WNT2: variants seen among roughly 807,000 people sequenced by gnomAD.
The protein encoded by WNT2 is Wnt family member 2.
WNT2 carries 12 observed loss-of-function variants against 36.9 expected under a neutral mutation model. The ratio of observed to expected loss-of-function variants is 0.33; its 90% CI spans 0.21 to 0.53. WNT2 has a LOEUF of 0.53. Among genes scored for constraint, WNT2 ranks in the 20% least tolerant of loss-of-function variants. WNT2 has a pLI of 0.95. For synonymous variants in WNT2, 163 were observed against 174.6 expected (o/e 0.93, Z 0.52); for missense variants, 379 against 473.1 (o/e 0.80, Z 1.84).
chr7:117,302,894 C>T (rs1038500284), intron 3 of WNT2, among the ~76,000 whole-genome samples: 16 of 152,256 alleles, frequency 1.1e-4, no homozygotes, highest in Admixed American at 1.0e-3. Context: ...AATCTGGCTA[C>T]AGTTTGAGGG....
intron 3 of WNT2, among the ~76,000 whole-genome samples, chr7:117,314,094 T>C (rs1795170772): frequency 6.6e-6 from 1 of 152,226 alleles, no homozygotes; most frequent in Non-Finnish European, 1.5e-5. Flanking sequence ...ATCAAACACA[T>C]TTTTATGTTG....
In WNT2 at chr7:117,277,978, G is replaced by A; in HGVS notation, c.*177C>T. ...ATGGATAGAATAGGGTAGGCTTTAGGTGCAGCGTGTGGCCCCCCCATCCTG... is the reference window on the plus strand; with the variant it reads ...ATGGATAGAATAGGGTAGGCTTTAGATGCAGCGTGTGGCCCCCCCATCCTG... On this transcript the variant is annotated 3_prime_UTR_variant, in exon 5 of 5. Coordinates refer to ENST00000265441, the MANE Select transcript of WNT2 (RefSeq NM_003391.3). 1 of 637,110 alleles carries A rather than the reference G, an allele frequency of 1.6e-6. No homozygotes were observed. The highest frequency in any genetic ancestry group is 2.7e-6 in the Non-Finnish European group (1 of 365,336). 39.5% of individuals were successfully genotyped at this position (637,110 alleles called of 1,614,324 possible).
At chr7:117,305,579 A>G (rs1795000017) in intron 3 of WNT2, among the ~76,000 whole-genome samples, 1 of 152,214 alleles carries the variant, frequency 6.6e-6, no homozygotes, top group African/African-American at 2.4e-5. Flanking sequence ...TTAAGAATGA[A>G]GTAGTAAAAA....
At chr7:117,293,884 G>T (rs932095065) in intron 4 of WNT2, among the ~76,000 whole-genome samples, 2 of 152,056 alleles carry the variant, frequency 1.3e-5, no homozygotes, top group Non-Finnish European at 2.9e-5. Context: ...CTGAGTGAAA[G>T]GCAGCTTTAA....
chr7:117,275,937 A>C lies in WNT2; in HGVS notation c.*2218T>G, dbSNP rs1215657616. Among the ~76,000 whole-genome samples the C allele has an allele frequency of 6.6e-6, 1 of 152,230 alleles. No homozygotes were observed. Among genetic ancestry groups the C allele is most frequent in the Non-Finnish European group, 1.5e-5 (1 of 68,038 alleles). On this transcript the variant is annotated 3_prime_UTR_variant, in exon 5 of 5. Coordinates refer to ENST00000265441, the MANE Select transcript of WNT2 (RefSeq NM_003391.3). ...CAGGAGGGATATATCTCAGCATAAA[A>C]AGAATGTCAGATCTAAACATACCAG...
chr7:117,282,590 C>G (rs1390797757), intron 4 of WNT2, among the ~76,000 whole-genome samples: 2 of 152,144 alleles, frequency 1.3e-5, no homozygotes, highest in African/African-American at 2.4e-5. Flanking sequence ...GGAAAGTGTT[C>G]CCTGTGGCTG....
At chr7:117,294,571 C>A in intron 4 of WNT2, among the ~76,000 whole-genome samples, 1 of 143,326 alleles carries the variant, frequency 7.0e-6, no homozygotes, top group African/African-American at 2.6e-5. Context: ...GAAATCTGAT[C>A]CAATATATTG....
chr7:117,303,102 C>T (rs1794938734), intron 3 of WNT2, among the ~76,000 whole-genome samples: 1 of 152,126 alleles, frequency 6.6e-6, no homozygotes, highest in African/African-American at 2.4e-5. Flanking sequence ...CTAGGGTGGA[C>T]GTGAGGCCTG....
intron 2 of WNT2, among the ~76,000 whole-genome samples, chr7:117,319,611 T>A (rs892840639): frequency 6.6e-6 from 1 of 152,150 alleles, no homozygotes; most frequent in African/African-American, 2.4e-5. Flanking sequence ...GATTTTCTAA[T>A]AGCAAATGGA....
At chr7:117,282,814 G>A (rs1168342715) in intron 4 of WNT2, among the ~76,000 whole-genome samples, 2 of 152,160 alleles carry the variant, frequency 1.3e-5, no homozygotes, top group Non-Finnish European at 2.9e-5. Context: ...GCTGGAGTGA[G>A]GACAAGAAGA....
In WNT2 at chr7:117,276,155, G is replaced by C. The variant is rs1324405740; in HGVS notation, c.*2000C>G. 6.6e-6 allele frequency among the ~76,000 whole-genome samples: 1 copy of C among 152,196 alleles called. No individual in the cohort carries two copies. The highest frequency in any genetic ancestry group is 1.5e-5 in the Non-Finnish European group (1 of 68,040). ...TGCACCAATCCCTTCGCCTCTCTTG[G>C]TCTCAATTTCCCCAAACTAAAGGAA... On this transcript the variant is annotated 3_prime_UTR_variant, in exon 5 of 5. Coordinates refer to ENST00000265441, the MANE Select transcript of WNT2 (RefSeq NM_003391.3).
At position 117,320,690 on chromosome 7, in the gene WNT2, G is replaced by C. The variant is rs376068978; in HGVS notation, c.187C>G (p.Arg63Gly). The change falls in exon 2 of 5, where the codon CGT (arginine) becomes GGT (glycine). Residue 63 changes from arginine (R) to glycine (G), a missense_variant. By Grantham distance (125) the Arg-to-Gly change is moderately radical. Coordinates refer to ENST00000265441, the MANE Select transcript of WNT2 (RefSeq NM_003391.3). ...QLCHRHPDVM[R>G]AISQGVAEWT... ...TCGGCCACGCCCTGGCTAATGGCAC[G>C]CATCACATCTGGATGTCGGTGACAC... 4 of 1,613,964 alleles carry C rather than the reference G, an allele frequency of 2.5e-6. No individual in the cohort carries two copies. Among genetic ancestry groups the C allele is most frequent in the Non-Finnish European group, 3.4e-6 (4 of 1,179,974 alleles).
intron 3 of WNT2, among the ~76,000 whole-genome samples, chr7:117,309,010 C>T (rs1267587086): frequency 6.6e-6 from 1 of 151,130 alleles, no homozygotes; most frequent in Non-Finnish European, 1.5e-5. Flanking sequence ...ATAGTAAGAC[C>T]CTGTCTCTAT....
At chr7:117,313,051 C>T (rs1055991765) in intron 3 of WNT2, among the ~76,000 whole-genome samples, 1 of 152,168 alleles carries the variant, frequency 6.6e-6, no homozygotes, top group Non-Finnish European at 1.5e-5. Flanking sequence ...TTACCGTCAG[C>T]CCTGGGAGGT....
chr7:117,291,036 C>T (rs1020446866), intron 4 of WNT2, among the ~76,000 whole-genome samples: 8 of 152,150 alleles, frequency 5.3e-5, no homozygotes, highest in Non-Finnish European at 7.3e-5. Context: ...GACACAATCC[C>T]GGCATTCATG....
chr7:117,305,433 T>C (rs893029751), intron 3 of WNT2, among the ~76,000 whole-genome samples: 1 of 152,174 alleles, frequency 6.6e-6, no homozygotes, highest in African/African-American at 2.4e-5. Flanking sequence ...TATAAAAAAG[T>C]TCTTTTATCC....
chr7:117,322,999 C>T lies in WNT2; in HGVS notation c.-10G>A, dbSNP rs762894325. ...CGAGAGGGGCGTTCATATTAACCCC[C>T]TTGCGTCTGCATCAGGTCAGACTCC... On this transcript the variant is annotated 5_prime_UTR_variant, in exon 1 of 5. Transcript: ENST00000265441. The surrounding 1 kb of genome is among the most constrained non-coding windows in gnomAD (Gnocchi z 5.4). The T allele has an allele frequency of 1.8e-5, 29 of 1,608,666 alleles. No individual in the cohort carries two copies. Among genetic ancestry groups the T allele is most frequent in the East Asian group, 2.2e-5 (1 of 44,812 alleles).
intron 3 of WNT2, among the ~76,000 whole-genome samples, chr7:117,300,075 C>G (rs1238621788): frequency 2.0e-5 from 3 of 152,302 alleles, no homozygotes; most frequent in East Asian, 3.9e-4. Context: ...TGTCTTGCCA[C>G]TAACTTTTTT....
In WNT2 at chr7:117,278,085, A is replaced by T. The variant is rs1000430912; in HGVS notation, c.*70T>A. 6.6e-7 allele frequency: 1 copy of T among 1,519,594 alleles called. No homozygotes were observed. The highest frequency in any genetic ancestry group is 1.4e-5 in the African/African-American group (1 of 73,062). The allele number at this position is 1,519,594 out of a possible 1,614,324, so 94.1% of individuals were successfully genotyped here. A position where few individuals can be genotyped will look rare whatever the true frequency, so the allele number is the denominator to read the frequency against. On this transcript the variant is annotated 3_prime_UTR_variant, in exon 5 of 5. Transcript: ENST00000265441. ...AAATATCCCCCCAGAAAGAACCCAA[A>T]GGTCCAGTGTTCTTGCAGATCCAAT...
Sources: gnomAD v4.1 joint callset for allele counts (sites outside exome capture counted in the v4.1 genomes callset) on GRCh38, gnomAD v4.1.1 for gene constraint, Gnocchi (gnomAD v3.1) non-coding constraint, MANE v1.5 for transcripts, NCBI Gene and HGNC (gene_info 2026-07-23, HGNC 2026-07-21) for gene names.